The following ATP7A variants were observed in gnomAD, a reference collection of about 807,000 sequenced individuals.
ATP7A encodes copper-transporting ATPase 1.
ATP7A carries 7 observed loss-of-function variants against 83.5 expected under a neutral mutation model. The observed-to-expected ratio is 0.08, with a 90% CI of 0.05 to 0.16. The LOEUF is 0.16. Among genes scored for constraint, ATP7A ranks in the 10% least tolerant of loss-of-function variants. ATP7A has a pLI of 1.00. For missense variants in ATP7A, 940 were observed against 1,120.8 expected (o/e 0.84, Z 2.30); for synonymous variants, 354 against 395.2 (o/e 0.90, Z 1.24).
chrX:78,002,244 A>ATTTTTTTT (rs781804302), intron 5 of ATP7A, among the ~76,000 whole-genome samples: 2 of 81,440 alleles, frequency 2.5e-5, no homozygotes, highest in Non-Finnish European at 4.9e-5. Context: ...TAATTTTTGT[A>ATTTTTTTT]TTTTTTTTTT....
At chrX:77,950,895 A>G (rs113204931) in intron 1 of ATP7A, among the ~76,000 whole-genome samples, 30,245 of 108,945 alleles carry the variant, frequency 0.28, 3,174 homozygotes, top group South Asian at 0.35. Context: ...GGAGGCGCAT[A>G]CATATAGTCC....
chrX:78,039,435 C>T (rs1048491925), intron 18 of ATP7A, among the ~76,000 whole-genome samples: 2 of 111,056 alleles, frequency 1.8e-5, no homozygotes, highest in Admixed American at 9.6e-5. Context: ...TGGGTTCAAG[C>T]GATTCTCCTG....
At chrX:78,046,232 T>C in intron 22 of ATP7A, 62 bp from the exon 23 acceptor site, 1 of 1,144,190 alleles carries the variant, frequency 8.7e-7, no homozygotes, top group Non-Finnish European at 1.2e-6. Context: ...CTTTTCTGCA[T>C]GTAGCGAGCA....
intron 20 of ATP7A, 70 bp from the exon 21 acceptor site, chrX:78,043,247 A>G: frequency 1.4e-6 from 1 of 718,297 alleles, no homozygotes; most frequent in Non-Finnish European, 2.2e-6. Context: ...CAACATACAC[A>G]GTATCAAATG....
chrX:78,038,114 C>T (rs1742939609), intron 17 of ATP7A, among the ~76,000 whole-genome samples: 1 of 102,131 alleles, frequency 9.8e-6, no homozygotes, highest in South Asian at 4.7e-4. Flanking sequence ...GTGTCTAGTG[C>T]ACAAGTAGAA....
intron 1 of ATP7A, among the ~76,000 whole-genome samples, chrX:77,967,201 T>C (rs915119293): frequency 6.2e-5 from 7 of 112,123 alleles, no homozygotes; most frequent in Non-Finnish European, 1.1e-4. Flanking sequence ...TAAATAGTGC[T>C]GCAGTAAACA....
At position 78,029,272 on chromosome X, in the gene ATP7A, G is replaced by C; in HGVS notation, c.2939G>C (p.Arg980Pro). ...YFPGYNRSIS[R>P]TETIIRFAFQ... ...AAGGGCTACAATAGAAGTATCTCCC[G>C]AACAGAAACGATAATACGATTTGCT... The change falls in exon 15 of 23, where the codon CGA (arginine) becomes CCA (proline). Residue 980 changes from arginine (R) to proline (P), a missense_variant. By Grantham distance (103) the Arg-to-Pro change is moderately radical (BLOSUM62 -2). This residue lies in a region of ATP7A where 386 missense variants were observed against 502.2 expected (regional missense o/e 0.77). Coordinates refer to ENST00000341514, the MANE Select transcript of ATP7A (RefSeq NM_000052.7). The C allele has an allele frequency of 1.7e-6, 2 of 1,210,779 alleles. No individual in the cohort carries two copies.
chrX:77,969,697 G>C (rs1441185083), intron 1 of ATP7A: 1 of 1,184,234 alleles, frequency 8.4e-7, no homozygotes, highest in East Asian at 3.0e-5. Flanking sequence ...AAGGTTATAC[G>C]CTGAAAATTC....
intron 1 of ATP7A, among the ~76,000 whole-genome samples, chrX:77,942,543 C>T (rs1443054706): frequency 4.6e-5 from 5 of 108,649 alleles, no homozygotes; most frequent in Non-Finnish European, 9.6e-5. Context: ...TGACCGGGTC[C>T]CAAGTGATCC....
intron 1 of ATP7A, among the ~76,000 whole-genome samples, chrX:77,928,122 C>T (rs868919152): frequency 4.3e-4 from 47 of 109,999 alleles, no homozygotes; most frequent in African/African-American, 1.4e-3. Flanking sequence ...CCACCACACC[C>T]GGCTAATTTA....
chrX:77,917,678 T>C (rs1395527725), intron 1 of ATP7A, among the ~76,000 whole-genome samples: 1 of 112,478 alleles, frequency 8.9e-6, no homozygotes, highest in Non-Finnish European at 1.9e-5. Context: ...TAGTTGCGTT[T>C]AATGGTAGTG....
At position 77,942,985 on chromosome X, in the gene ATP7A, T is replaced by C. The variant is rs1490446625; in HGVS notation, c.-21-28636T>C. On this transcript the variant is annotated intron_variant, in intron 1 of 22. Coordinates refer to ENST00000341514, the MANE Select transcript of ATP7A (RefSeq NM_000052.7). Reference sequence around the variant, plus strand: ...CAAGCACCACCACACCTGGCAACTTTTTGTATTTTTTTAGTAGCAACGGGG... The same window carrying C: ...CAAGCACCACCACACCTGGCAACTTCTTGTATTTTTTTAGTAGCAACGGGG... Among the ~76,000 whole-genome samples, 3 of 109,656 alleles carry C rather than the reference T, an allele frequency of 2.7e-5. No homozygotes were observed. The Admixed American group carries it at 2.9e-4, about 11-fold the overall frequency.
At chrX:77,996,260 T>C (rs988440221) in intron 4 of ATP7A, among the ~76,000 whole-genome samples, 2 of 111,461 alleles carry the variant, frequency 1.8e-5, no homozygotes, top group East Asian at 5.6e-4. Context: ...GCAGACATGA[T>C]GTTTATGATT....
In ATP7A at chrX:78,048,081, A is replaced by T. The variant is rs972117739; in HGVS notation, c.*1511A>T. ...TATGACGCTTTTTAGCTAAATATAT[A>T]CTCTTCTCTAGTTTAAAACATTTGA... On this transcript the variant is annotated 3_prime_UTR_variant, in exon 23 of 23. Coordinates refer to ENST00000341514, the MANE Select transcript of ATP7A (RefSeq NM_000052.7). 9.0e-6 allele frequency: 1 copy of T among 111,521 alleles called. No individual in the cohort carries two copies. Among genetic ancestry groups the T allele is most frequent in the Non-Finnish European group, 1.9e-5 (1 of 53,096 alleles). 9.2% of individuals were successfully genotyped at this position (111,521 alleles called of 1,213,427 possible).
intron 2 of ATP7A, among the ~76,000 whole-genome samples, chrX:77,978,080 A>G (rs1321890430): frequency 9.0e-6 from 1 of 110,884 alleles, no homozygotes; most frequent in Non-Finnish European, 1.9e-5. Context: ...TTTTTGTACA[A>G]TTTGAAAAAT....
chrX:77,943,895 C>T (rs1490937866), intron 1 of ATP7A, among the ~76,000 whole-genome samples: 1 of 111,837 alleles, frequency 8.9e-6, no homozygotes, highest in Non-Finnish European at 1.9e-5. Flanking sequence ...TATGCTTATA[C>T]CTATAACTTT....
chrX:78,046,659 G>A lies in ATP7A; in HGVS notation c.*89G>A. 9.0e-7 allele frequency: 1 copy of A among 1,115,348 alleles called. No individual in the cohort carries two copies. Among genetic ancestry groups the A allele is most frequent in the East Asian group, 3.0e-5 (1 of 33,392 alleles). 91.9% of individuals were successfully genotyped at this position (1,115,348 alleles called of 1,213,427 possible). A position where few individuals can be genotyped will look rare whatever the true frequency, so the allele number is the denominator to read the frequency against. On this transcript the variant is annotated 3_prime_UTR_variant, in exon 23 of 23. Transcript: ENST00000341514. ...CTTCACTTTTCAAAATATTGTAGAA[G>A]GATTTTTCTCATGCTCTTATATTAG...
At chrX:78,029,040 G>A (rs1347274391) in intron 14 of ATP7A, among the ~76,000 whole-genome samples, 2 of 111,975 alleles carry the variant, frequency 1.8e-5, no homozygotes, top group African/African-American at 6.5e-5. Context: ...TCCATAGTTT[G>A]TAATTCTGGA....
Position 78,013,114 on chromosome X carries a change from TA to T in ATP7A, c.2406+5del. On this transcript the variant is annotated splice_donor_region_variant and intron_variant, in intron 10 of 22. Transcript: ENST00000341514. Reference sequence around the variant, plus strand: ...CGATGGCTGGAACATATAGCAAAGGTAAAGTAAGAAAGGGTGACATTTGTTA... The same window carrying T: ...CGATGGCTGGAACATATAGCAAAGGTAAGTAAGAAAGGGTGACATTTGTTA... 1 of 1,195,190 alleles carries T rather than the reference TA, an allele frequency of 8.4e-7. No individual in the cohort carries two copies. Among genetic ancestry groups the T allele is most frequent in the Non-Finnish European group, 1.1e-6 (1 of 880,537 alleles).
Sources: allele counts gnomAD v4.1 joint callset (sites outside exome capture counted in the v4.1 genomes callset), GRCh38; gene constraint gnomAD v4.1.1; regional missense constraint gnomAD v4.1.1; transcripts MANE v1.5; gene names NCBI Gene and HGNC (gene_info 2026-07-23, HGNC 2026-07-21).